NOTCH2: variants seen among roughly 807,000 people sequenced by gnomAD.
The protein encoded by NOTCH2 is neurogenic locus notch homolog protein 2.
Under a neutral mutation model 235.8 loss-of-function variants are expected in NOTCH2, and 29 were observed. The observed-to-expected ratio is 0.12, with a 90% CI of 0.09 to 0.17. The LOEUF is 0.17. Ranked by LOEUF, NOTCH2 falls within the 10% of genes least tolerant of loss-of-function variation. The probability of loss-of-function intolerance (pLI) is 1.00; values close to 1 mark genes in which losing one functional copy is unlikely to be tolerated. For missense variants in NOTCH2, 2,285 were observed against 3,150.2 expected (o/e 0.73, Z 6.57); for synonymous variants, 1,086 against 1,141.5 (o/e 0.95, Z 0.98).
At chr1:120,047,709 T>C (rs1553213845) in intron 1 of NOTCH2, among the ~76,000 whole-genome samples, 1 of 150,402 alleles carries the variant, frequency 6.6e-6, no homozygotes, top group East Asian at 1.9e-4. Flanking sequence ...GTCAGTCATC[T>C]TGTCTTTGTA....
At position 119,969,557 on chromosome 1, in the gene NOTCH2, G is replaced by A. The variant is rs782256123; in HGVS notation, c.1062C>T (p.Ile354=). 4.3e-6 allele frequency: 7 copies of A among 1,613,902 alleles called. No homozygotes were observed. The highest frequency in any genetic ancestry group is 1.3e-5 in the African/African-American group (1 of 74,908). Residue 354 remains isoleucine (I), a synonymous_variant, in exon 6 of 34, where the codon ATC becomes ATT. Coordinates refer to ENST00000256646, the MANE Select transcript of NOTCH2 (RefSeq NM_024408.4). ...FASCTPGSTC[I]DRVASFSCMC... is the part of the protein sequence containing the mutation. ...TGCAAGAGAAGGAGGCCACACGGTC[G>A]ATGCAGGTGGAGCCTGGAGTACAGG...
chr1:120,010,088 CCACA>C (rs1653125884), intron 2 of NOTCH2, among the ~76,000 whole-genome samples: 1 of 152,034 alleles, frequency 6.6e-6, no homozygotes, highest in Non-Finnish European at 1.5e-5. Context: ...TCTAAGGCTT[CCACA>C]CACAATTTAA....
intron 2 of NOTCH2, among the ~76,000 whole-genome samples, chr1:120,012,557 CTTGA>C (rs1553207158): frequency 6.6e-6 from 1 of 151,960 alleles, no homozygotes; most frequent in African/African-American, 2.4e-5. Context: ...TCCAAGTTTC[CTTGA>C]TTGAGACAAC....
intron 1 of NOTCH2, among the ~76,000 whole-genome samples, chr1:120,037,656 TTTGTC>T (rs1410519336): frequency 2.6e-5 from 4 of 151,802 alleles, no homozygotes; most frequent in Admixed American, 2.6e-4. Context: ...CTCCTTGAAA[TTTGTC>T]TTGATTAAAA....
At chr1:120,037,912 T>C (rs1654377205) in intron 1 of NOTCH2, among the ~76,000 whole-genome samples, 1 of 152,116 alleles carries the variant, frequency 6.6e-6, no homozygotes, top group Non-Finnish European at 1.5e-5. Flanking sequence ...TAACAACTTA[T>C]AAATGAATAT....
At chr1:119,946,156 T>C (rs1188607198) in intron 17 of NOTCH2, among the ~76,000 whole-genome samples, 1 of 152,120 alleles carries the variant, frequency 6.6e-6, no homozygotes, top group Non-Finnish European at 1.5e-5. Context: ...AGATAGCCCA[T>C]ATGGCACTTA....
In NOTCH2 at chr1:119,940,596, G is replaced by A. The variant is rs782077143; in HGVS notation, c.3142C>T (p.Arg1048Cys). The A allele has an allele frequency of 1.1e-5, 18 of 1,614,080 alleles. No individual in the cohort carries two copies. Among genetic ancestry groups the A allele is most frequent in the Admixed American group, 6.7e-5 (4 of 60,016 alleles). The change falls in exon 19 of 34, where the codon CGC (arginine) becomes TGC (cysteine). Residue 1048 changes from arginine to cysteine, a missense_variant. By Grantham distance (180) the Arg-to-Cys change is radical (BLOSUM62 -3). Transcript: ENST00000256646. ...GTCVDGLGTY[R>C]CSCPLGYTGK... is the part of the protein sequence containing the mutation. ...GTGTAGCCCAGGGGGCAGCTGCAGC[G>A]GTAGGTACCCAGGCCATCAACACAC... is the stretch of plus-strand genomic sequence containing the variant.
At chr1:120,015,315 C>A (rs1553207805) in intron 2 of NOTCH2, among the ~76,000 whole-genome samples, 1 of 152,192 alleles carries the variant, frequency 6.6e-6, no homozygotes, top group East Asian at 1.9e-4. Context: ...TCTTGGCCCC[C>A]CAATCCGCAG....
Position 120,011,885 on chromosome 1 carries a change from G to A in NOTCH2, c.156-6297C>T, listed in dbSNP as rs368198662. ...TAAAAAATTAGCCAGGCGTGGTGGCGGGCGCCTGTAGTCCCAGCTACTCGG... is the reference window on the plus strand; with the variant it reads ...TAAAAAATTAGCCAGGCGTGGTGGCAGGCGCCTGTAGTCCCAGCTACTCGG... On this transcript the variant is annotated intron_variant, in intron 2 of 33. Coordinates refer to ENST00000256646, the MANE Select transcript of NOTCH2 (RefSeq NM_024408.4). 2.0e-5 allele frequency among the ~76,000 whole-genome samples: 3 copies of A among 150,442 alleles called. No individual in the cohort carries two copies. In the East Asian group the frequency reaches 5.8e-4, roughly 29 times the overall value.
In NOTCH2 at chr1:119,922,295, G is replaced by A. The variant is rs771460790; in HGVS notation, c.5154C>T (p.Arg1718=). 8 of 1,614,004 alleles carry A rather than the reference G, an allele frequency of 5.0e-6. No individual in the cohort carries two copies. The highest frequency in any genetic ancestry group is 5.9e-6 in the Non-Finnish European group (7 of 1,180,036). ...GACGCTTGTGATTGCTTGCATCTCGGCGAAGAGTGAAACCTTCAGGCAGCC... is the reference window on the plus strand; with the variant it reads ...GACGCTTGTGATTGCTTGCATCTCGACGAAGAGTGAAACCTTCAGGCAGCC... ...SLWLPEGFTL[R]RDASNHKRRE... is the part of the protein sequence containing the mutation. Residue 1718 remains arginine, a synonymous_variant, in exon 28 of 34, where the codon CGC becomes CGT. Coordinates refer to ENST00000256646, the MANE Select transcript of NOTCH2 (RefSeq NM_024408.4).
intron 2 of NOTCH2, among the ~76,000 whole-genome samples, chr1:120,023,865 A>G (rs1653736081): frequency 6.7e-6 from 1 of 150,010 alleles, no homozygotes; most frequent in South Asian, 2.1e-4. Context: ...TTCCCAAAGA[A>G]GTGTGAAATA....
At chr1:119,939,977 A>T (rs943482812) in intron 19 of NOTCH2, among the ~76,000 whole-genome samples, 1 of 152,240 alleles carries the variant, frequency 6.6e-6, no homozygotes, top group Non-Finnish European at 1.5e-5. Flanking sequence ...TTTGGTATGC[A>T]ACTTTGGAAA....
chr1:119,928,531 T>A (rs778743222), intron 23 of NOTCH2, among the ~76,000 whole-genome samples: 3 of 152,066 alleles, frequency 2.0e-5, no homozygotes, highest in Non-Finnish European at 2.9e-5. Context: ...AATGTTATTT[T>A]GTTCAGATGA....
At position 119,916,255 on chromosome 1, in the gene NOTCH2, G is replaced by A. The variant is rs2101144008; in HGVS notation, c.6467C>T (p.Ser2156Phe). 2.5e-6 allele frequency: 4 copies of A among 1,614,224 alleles called. No individual in the cohort carries two copies. The highest frequency in any genetic ancestry group is 3.4e-6 in the Non-Finnish European group (4 of 1,180,036). Residue 2156 changes from serine to phenylalanine, a missense_variant, in exon 34 of 34, where the codon TCT becomes TTT. This residue lies in a region of NOTCH2 where 504 missense variants were observed against 538.0 expected (regional missense o/e 0.94). Transcript: ENST00000256646. ...VTLSPVDSLE[S>F]PHTYVSDTTS... is the part of the protein sequence containing the mutation. Reference sequence around the variant, plus strand: ...GGTGTCGGAAACATACGTGTGAGGAGATTCTAGGGAATCAACAGGGGATAA... The same window carrying A: ...GGTGTCGGAAACATACGTGTGAGGAAATTCTAGGGAATCAACAGGGGATAA...
rs2101150289 is a variant in NOTCH2 at position 119,919,632 on chromosome 1, C to T, written c.5480-19G>A. 6.2e-7 allele frequency: 1 copy of T among 1,611,854 alleles called. No individual in the cohort carries two copies. The highest frequency in any genetic ancestry group is 8.5e-7 in the Non-Finnish European group (1 of 1,178,848). On this transcript the variant is annotated intron_variant, in intron 30 of 33. Coordinates refer to ENST00000256646, the MANE Select transcript of NOTCH2 (RefSeq NM_024408.4). ...CAGCCATCTGTAGGAATGGAAAATT[C>T]CATAAAGTACTCAAGAAGGAGAAGG... is the stretch of plus-strand genomic sequence containing the variant.
chr1:120,031,151 G>T (rs1287476499), intron 1 of NOTCH2, among the ~76,000 whole-genome samples: 2 of 149,768 alleles, frequency 1.3e-5, no homozygotes, highest in South Asian at 4.3e-4. Context: ...TCAGAGAGAC[G>T]CTAGGCCTGG....
In NOTCH2 at chr1:119,940,679, G is replaced by C; in HGVS notation, c.3059C>G (p.Ser1020Cys). ...TTCATTGATCTCATGGAGGCAGAAG[G>C]ATCCAGTGAAACCCACAGGGCACAA... ...SCLCPVGFTG[S>C]FCLHEINECS... Residue 1020 changes from serine (S) to cysteine (C), a missense_variant, in exon 19 of 34, where the codon TCC becomes TGC. By Grantham distance (112) the Ser-to-Cys change is moderately radical. Transcript: ENST00000256646. 1 of 1,614,144 alleles carries C rather than the reference G, an allele frequency of 6.2e-7. No homozygotes were observed. The highest frequency in any genetic ancestry group is 8.5e-7 in the Non-Finnish European group (1 of 1,180,008).
At chr1:120,023,265 G>A (rs587750108) in intron 2 of NOTCH2, among the ~76,000 whole-genome samples, 7 of 150,808 alleles carry the variant, frequency 4.6e-5, no homozygotes, top group Admixed American at 3.3e-4. Context: ...GTGAAACCCC[G>A]TCTCTACTAA....
At chr1:120,005,763 C>A (rs1459813926) in intron 2 of NOTCH2, among the ~76,000 whole-genome samples, 175 bp from the exon 3 acceptor site, 1 of 89,322 alleles carries the variant, frequency 1.1e-5, no homozygotes, top group African/African-American at 4.2e-5. Flanking sequence ...AGAACTTAAC[C>A]ACATACTCCC....
Sources: gnomAD v4.1 joint callset for allele counts (sites outside exome capture counted in the v4.1 genomes callset) on GRCh38, gnomAD v4.1.1 for gene constraint, gnomAD v4.1.1 regional missense constraint, MANE v1.5 for transcripts, NCBI Gene and HGNC (gene_info 2026-07-23, HGNC 2026-07-21) for gene names.